KIF26B: variants seen among roughly 807,000 people sequenced by gnomAD.
KIF26B encodes kinesin family member 26B, also known as kinesin-like protein KIF26B.
KIF26B carries 63 observed loss-of-function variants against 151.2 expected under a neutral mutation model. The ratio of observed to expected loss-of-function variants is 0.42; its 90% CI spans 0.34 to 0.51. The LOEUF (loss-of-function observed/expected upper bound fraction) is 0.51. Among genes scored for constraint, KIF26B ranks in the 20% least tolerant of loss-of-function variants. The pLI is 0.07. For missense variants in KIF26B, 2,813 were observed against 2,913.6 expected (o/e 0.97, Z 0.79); for synonymous variants, 1,357 against 1,262.1 (o/e 1.08, Z -1.59).
chr1:245,408,555 A>G lies in KIF26B; in HGVS notation c.1000-11024A>G, dbSNP rs893234642. On this transcript the variant is annotated intron_variant, in intron 3 of 14. Coordinates refer to ENST00000407071, the MANE Select transcript of KIF26B (RefSeq NM_018012.4). ...TTTTTAGTAGAGACGGGGTTTCACCATATTGGTCAGGCTGGTCTTGAACTC... is the reference window on the plus strand; with the variant it reads ...TTTTTAGTAGAGACGGGGTTTCACCGTATTGGTCAGGCTGGTCTTGAACTC... 2.8e-4 allele frequency among the ~76,000 whole-genome samples: 42 copies of G among 152,060 alleles called. 1 individual carries two copies. Among genetic ancestry groups the G allele is most frequent in the Non-Finnish European group, 3.1e-4 (21 of 67,994 alleles).
At chr1:245,575,485 T>A (rs79373706) in intron 5 of KIF26B, among the ~76,000 whole-genome samples, 1,650 of 149,530 alleles carry the variant, frequency 0.011, 31 homozygotes, top group African/African-American at 0.039. Context: ...AAAAAAAAAA[T>A]GTAGAAAAAT....
intron 2 of KIF26B, among the ~76,000 whole-genome samples, chr1:245,186,253 G>C (rs12089708): frequency 1.3e-5 from 2 of 151,868 alleles, no homozygotes; most frequent in Non-Finnish European, 2.9e-5. Flanking sequence ...TGCCCCCTTC[G>C]ATGAGTCATG....
chr1:245,390,920 T>G (rs1673669664), intron 3 of KIF26B, among the ~76,000 whole-genome samples: 1 of 13,854 alleles, frequency 7.2e-5, no homozygotes, highest in Non-Finnish European at 9.8e-5. Flanking sequence ...AGACCCTGTC[T>G]CAAAAAAAAA....
chr1:245,622,059 C>T (rs1334785046), intron 9 of KIF26B, among the ~76,000 whole-genome samples: 1 of 152,128 alleles, frequency 6.6e-6, no homozygotes, highest in African/African-American at 2.4e-5. Context: ...ATCTGTGGTG[C>T]ATGTGGAATA....
intron 2 of KIF26B, among the ~76,000 whole-genome samples, chr1:245,274,399 G>A (rs554585780): frequency 3.9e-4 from 56 of 145,228 alleles, no homozygotes; most frequent in South Asian, 1.4e-3. Flanking sequence ...AACAGGCCCC[G>A]GTGTGTGATG....
intron 4 of KIF26B, among the ~76,000 whole-genome samples, chr1:245,471,227 T>A (rs1027149173): frequency 6.6e-6 from 1 of 152,046 alleles, no homozygotes; most frequent in African/African-American, 2.4e-5. Flanking sequence ...ACCTCCCAGG[T>A]TCGTGCAGTT....
chr1:245,319,551 G>T (rs867367615), intron 2 of KIF26B, among the ~76,000 whole-genome samples: 43 of 151,190 alleles, frequency 2.8e-4, no homozygotes, highest in Middle Eastern at 3.4e-3. Flanking sequence ...CTGATTAAAT[G>T]TTTTCCTGTA....
chr1:245,314,783 A>G (rs1671731368), intron 2 of KIF26B, among the ~76,000 whole-genome samples: 1 of 152,204 alleles, frequency 6.6e-6, no homozygotes, highest in Non-Finnish European at 1.5e-5. Context: ...TCAAGAGCTG[A>G]AGAAACGTCT....
At chr1:245,538,428 A>C (rs1469170250) in intron 4 of KIF26B, among the ~76,000 whole-genome samples, 1 of 151,850 alleles carries the variant, frequency 6.6e-6, no homozygotes, top group Non-Finnish European at 1.5e-5. Flanking sequence ...AGTAGCGTGA[A>C]AGTTTGTAGG....
At chr1:245,388,662 T>A (rs1345664658) in intron 3 of KIF26B, among the ~76,000 whole-genome samples, 2 of 122,246 alleles carry the variant, frequency 1.6e-5, no homozygotes, top group African/African-American at 5.7e-5. Flanking sequence ...AAACTGTACC[T>A]TAAGGGGGAA....
At chr1:245,174,062 T>C (rs977729662) in intron 2 of KIF26B, among the ~76,000 whole-genome samples, 1 of 152,244 alleles carries the variant, frequency 6.6e-6, no homozygotes, top group Non-Finnish European at 1.5e-5. Flanking sequence ...TAGTTACTGA[T>C]ACATTACTAT....
rs186308117 is a variant in KIF26B, at chr1:245,375,695, A to G, written c.999+8328A>G. Among the ~76,000 whole-genome samples, 34 of 152,324 alleles carry G rather than the reference A, an allele frequency of 2.2e-4. No homozygotes were observed. Among genetic ancestry groups the G allele is most frequent in the Admixed American group, 9.2e-4 (14 of 15,300 alleles). ...TGCTAAATGTGTGCTATTTTGCTTCAGCAGCAATAGGAAGCTATTACAACT... is the reference window on the plus strand; with the variant it reads ...TGCTAAATGTGTGCTATTTTGCTTCGGCAGCAATAGGAAGCTATTACAACT... On this transcript the variant is annotated intron_variant, in intron 3 of 14. Transcript: ENST00000407071. The surrounding 1 kb of genome is among the most constrained non-coding windows in gnomAD (Gnocchi z 4.2).
At position 245,687,987 on chromosome 1, in the gene KIF26B, G is replaced by A. The variant is rs58427858; in HGVS notation, c.5004G>A (p.Ser1668=). Residue 1668 remains serine (S), a synonymous_variant, in exon 12 of 15, where the codon TCG becomes TCA. Transcript: ENST00000407071. The surrounding 1 kb of genome is among the most constrained non-coding windows in gnomAD (Gnocchi z 4.9). Reference sequence around the variant, plus strand: ...AGCAGCTGGCCAGCAGAAGCAACTCGCTGGGCAGGGCGACAGTCAGCCACT... The same window carrying A: ...AGCAGCTGGCCAGCAGAAGCAACTCACTGGGCAGGGCGACAGTCAGCCACT... ...KLEQLASRSN[S]LGRATVSHYE... 5.7e-6 allele frequency: 9 copies of A among 1,574,544 alleles called. No homozygotes were observed. The highest frequency in any genetic ancestry group is 1.4e-5 in the African/African-American group (1 of 74,064).
chr1:245,513,148 C>T (rs1255483767), intron 4 of KIF26B, among the ~76,000 whole-genome samples: 2 of 151,932 alleles, frequency 1.3e-5, no homozygotes, highest in African/African-American at 4.8e-5. Context: ...TCCTCCACAC[C>T]CTCCTCCACC....
intron 5 of KIF26B, among the ~76,000 whole-genome samples, chr1:245,585,487 T>TTAATACGTGATTAATA (rs2043215326): frequency 6.6e-6 from 1 of 151,512 alleles, no homozygotes; most frequent in East Asian, 1.9e-4. Context: ...TAATACGTGA[T>TTAATACGTGATTAATA]CCTGAGGATG....
In KIF26B at chr1:245,684,190, G is replaced by A. The variant is rs199909341; in HGVS notation, c.2259-43G>A. Reference sequence around the variant, plus strand: ...GAAGCCCTGCCCTGAGGGCCACAGGGAAGCATGGCCGCTAATGCAGCCTAA... The same window carrying A: ...GAAGCCCTGCCCTGAGGGCCACAGGAAAGCATGGCCGCTAATGCAGCCTAA... On this transcript the variant is annotated intron_variant, in intron 10 of 14. Transcript: ENST00000407071. 2.8e-5 allele frequency: 44 copies of A among 1,590,358 alleles called. No individual in the cohort carries two copies. The East Asian group carries it at 9.0e-4, about 33-fold the overall frequency.
chr1:245,613,345 G>A (rs2043548697), intron 9 of KIF26B, among the ~76,000 whole-genome samples: 1 of 152,132 alleles, frequency 6.6e-6, no homozygotes, highest in African/African-American at 2.4e-5. Flanking sequence ...GCTCACACCT[G>A]TAATCCCAGC....
rs549194861 is a variant in KIF26B at position 245,242,358 on chromosome 1, C to T, written c.465+85675C>T. Among the ~76,000 whole-genome samples the T allele has an allele frequency of 1.8e-4, 28 of 152,310 alleles. 1 individual carries two copies. Among genetic ancestry groups the T allele is most frequent in the Admixed American group, 1.2e-3 (18 of 15,294 alleles). ...TGAAACAATAAAGATTTAGCTGAGG[C>T]GCTCAGGGTGCCCTTTCCCACTCCT... On this transcript the variant is annotated intron_variant, in intron 2 of 14. Transcript: ENST00000407071.
At chr1:245,278,985 C>A (rs1670987282) in intron 2 of KIF26B, among the ~76,000 whole-genome samples, 1 of 152,160 alleles carries the variant, frequency 6.6e-6, no homozygotes, top group Non-Finnish European at 1.5e-5. Context: ...TCCTCAGATT[C>A]ATTCTATTTA....
Sources: gnomAD v4.1 joint callset for allele counts (sites outside exome capture counted in the v4.1 genomes callset) on GRCh38, gnomAD v4.1.1 for gene constraint, Gnocchi (gnomAD v3.1) non-coding constraint, MANE v1.5 for transcripts, NCBI Gene and HGNC (gene_info 2026-07-23, HGNC 2026-07-21) for gene names.